ABCA8: variants seen among roughly 807,000 people sequenced by gnomAD.
ABCA8 encodes the protein ABC-type organic anion transporter ABCA8.
Under a neutral mutation model 192.3 loss-of-function variants are expected in ABCA8, and 177 were observed. The ratio of observed to expected loss-of-function variants is 0.92; its 90% CI spans 0.81 to 1.04. The LOEUF (loss-of-function observed/expected upper bound fraction) is 1.04, where lower values mean the gene tolerates loss of function less well. ABCA8 is among the 50% of genes least tolerant of loss of function. The pLI, the probability that ABCA8 is intolerant of heterozygous loss-of-function variation, is 0.00. For synonymous variants in ABCA8, 642 were observed against 690.2 expected (o/e 0.93, Z 1.09); for missense variants, 1,915 against 1,904.8 (o/e 1.01, Z -0.10).
chr17:68,945,182 G>A (rs1300145903), intron 2 of ABCA8, among the ~76,000 whole-genome samples: 4 of 152,146 alleles, frequency 2.6e-5, no homozygotes, highest in Non-Finnish European at 4.4e-5. Context: ...CAGCTTCTCA[G>A]AGCCAAATTA....
At chr17:68,876,851 T>C (rs1474153772) in intron 33 of ABCA8, 148 bp from the exon 34 acceptor site, 2 of 839,290 alleles carry the variant, frequency 2.4e-6, no homozygotes, top group Non-Finnish European at 1.9e-6. Context: ...GTGATATTAC[T>C]GGCTGACTTG....
chr17:68,921,618 T>A (rs1323043926), intron 12 of ABCA8, 126 bp from the exon 13 acceptor site: 4 of 502,186 alleles, frequency 8.0e-6, no homozygotes, highest in Non-Finnish European at 1.4e-5. Context: ...TTGTCTTTTC[T>A]ATATATAAAT....
chr17:68,916,356 T>G (rs2143589703), intron 17 of ABCA8, among the ~76,000 whole-genome samples: 1 of 152,238 alleles, frequency 6.6e-6, no homozygotes, highest in African/African-American at 2.4e-5. Context: ...AGTCAACATA[T>G]ATTAAAACAG....
intron 23 of ABCA8, among the ~76,000 whole-genome samples, chr17:68,893,013 A>T (rs1355189718): frequency 6.6e-6 from 1 of 152,176 alleles, no homozygotes; most frequent in Non-Finnish European, 1.5e-5. Context: ...TGCCTCTAAA[A>T]ATAAATTTAA....
chr17:68,907,992 C>A, intron 17 of ABCA8, 113 bp from the exon 18 acceptor site: 1 of 1,015,790 alleles, frequency 9.8e-7, no homozygotes, highest in Non-Finnish European at 1.3e-6. Flanking sequence ...AATCTAATGC[C>A]AGAAATAGGT....
At chr17:68,902,576 A>T in intron 21 of ABCA8, 137 bp downstream of exon 21, 3 of 665,904 alleles carry the variant, frequency 4.5e-6, no homozygotes. Context: ...GCCTGTATTT[A>T]TTATCTTTAA....
chr17:68,885,318 A>T lies in ABCA8; in HGVS notation c.3430-3T>A. 1 of 1,605,408 alleles carries T rather than the reference A, an allele frequency of 6.2e-7. No individual in the cohort carries two copies. The highest frequency in any genetic ancestry group is 8.5e-7 in the Non-Finnish European group (1 of 1,176,978). ...CCAGCCACAGAGAATACAGTGACCT[A>T]AAAGAAGCAAATATGAAGGTTAATC... On this transcript the variant is annotated splice_region_variant and splice_polypyrimidine_tract_variant and intron_variant, in intron 26 of 39. Coordinates refer to ENST00000586539, the MANE Select transcript of ABCA8 (RefSeq NM_001288985.2).
intron 24 of ABCA8, among the ~76,000 whole-genome samples, chr17:68,889,462 T>C (rs992857556): frequency 3.9e-5 from 6 of 152,222 alleles, no homozygotes; most frequent in African/African-American, 9.6e-5. Flanking sequence ...CAGTTCAATA[T>C]TGAAGTTTTC....
In ABCA8 at chr17:68,887,300, G is replaced by A. The variant is rs530131938; in HGVS notation, c.3315+36C>T. The A allele has an allele frequency of 8.5e-5, 130 of 1,531,476 alleles. No homozygotes were observed. The South Asian group carries it at 1.5e-3, about 18-fold the overall frequency. 94.9% of individuals were successfully genotyped at this position (1,531,476 alleles called of 1,614,324 possible). On this transcript the variant is annotated intron_variant, in intron 25 of 39. Transcript: ENST00000586539. ...TCAAATTAAATCACACAATGATATT[G>A]TGAATATTGTCACTTACTTGGATAT...
At chr17:68,901,632 C>T (rs2066915200) in intron 21 of ABCA8, among the ~76,000 whole-genome samples, 1 of 151,906 alleles carries the variant, frequency 6.6e-6, no homozygotes, top group Non-Finnish European at 1.5e-5. Flanking sequence ...ATGGTGAAAC[C>T]CCGTCTCTAC....
intron 2 of ABCA8, chr17:68,944,780 C>T (rs2068348284): frequency 6.6e-6 from 1 of 152,144 alleles, no homozygotes; most frequent in Admixed American, 6.6e-5. Context: ...TTCCCATTCC[C>T]AAGCAAAGAT....
At chr17:68,933,589 T>G (rs946538388) in intron 5 of ABCA8, among the ~76,000 whole-genome samples, 11 of 152,206 alleles carry the variant, frequency 7.2e-5, no homozygotes, top group Admixed American at 6.5e-5. Flanking sequence ...ATTTGTATTG[T>G]GAAAACTACA....
chr17:68,899,717 C>T (rs1229927111), intron 21 of ABCA8, among the ~76,000 whole-genome samples: 1 of 152,042 alleles, frequency 6.6e-6, no homozygotes, highest in South Asian at 2.1e-4. Context: ...ATCAAACAAG[C>T]CTCAACACAT....
intron 1 of ABCA8, among the ~76,000 whole-genome samples, chr17:68,952,083 A>G (rs1400245072): frequency 1.3e-5 from 2 of 152,226 alleles, no homozygotes; most frequent in Non-Finnish European, 2.9e-5. Flanking sequence ...TTACTCTTAA[A>G]TACTTTTCTA....
Position 68,929,672 on chromosome 17 carries a change from GAAA to G in ABCA8, c.825_827del (p.Phe276del). 1 of 1,613,524 alleles carries G rather than the reference GAAA, an allele frequency of 6.2e-7. No individual in the cohort carries two copies. The highest frequency in any genetic ancestry group is 8.5e-7 in the Non-Finnish European group (1 of 1,179,704). On this transcript the variant is annotated inframe_deletion, in exon 8 of 40. Transcript: ENST00000586539. ...CCAAGAAAAGGGCCATAATGAAGAT[GAAA>G]CCAGCATAGAGCAAACCCCAGGAGA...
Position 68,943,070 on chromosome 17 carries a change from C to T in ABCA8, c.-5-1031G>A, listed in dbSNP as rs1237509665. ...TTGTTATTTCTGGCAGAAATAATTGCTCTCTTTACTAATTTGTTGTGGGAT... is the reference window on the plus strand; with the variant it reads ...TTGTTATTTCTGGCAGAAATAATTGTTCTCTTTACTAATTTGTTGTGGGAT... On this transcript the variant is annotated intron_variant, in intron 2 of 39. Coordinates refer to ENST00000586539, the MANE Select transcript of ABCA8 (RefSeq NM_001288985.2). Among the ~76,000 whole-genome samples, 7 of 152,018 alleles carry T rather than the reference C, an allele frequency of 4.6e-5. No homozygotes were observed. The South Asian group carries it at 6.2e-4, about 14-fold the overall frequency.
At chr17:68,904,900 TA>T (rs1370599812) in intron 19 of ABCA8, among the ~76,000 whole-genome samples, 1 of 152,080 alleles carries the variant, frequency 6.6e-6, no homozygotes, top group African/African-American at 2.4e-5. Flanking sequence ...AACAAATAAA[TA>T]AACAAAAAGT....
intron 24 of ABCA8, among the ~76,000 whole-genome samples, chr17:68,890,576 T>G (rs2066599144): frequency 6.6e-6 from 1 of 152,210 alleles, no homozygotes; most frequent in African/African-American, 2.4e-5. Context: ...TGGAGTGCAG[T>G]GGCGCAATCT....
intron 27 of ABCA8, chr17:68,884,615 G>A (rs1372807027): frequency 8.1e-7 from 1 of 1,232,826 alleles, no homozygotes; most frequent in Non-Finnish European, 1.0e-6. Context: ...TAATCACCTG[G>A]CGAGAGAATC....
Sources: gnomAD v4.1 joint callset for allele counts (sites outside exome capture counted in the v4.1 genomes callset) on GRCh38, gnomAD v4.1.1 for gene constraint, MANE v1.5 for transcripts, NCBI Gene and HGNC (gene_info 2026-07-23, HGNC 2026-07-21) for gene names.